Variants in BCAS3 observed in about 807,000 individuals in gnomAD.
The protein encoded by BCAS3 is BCAS4/BCAS3 fusion.
In BCAS3, 53 loss-of-function variants were observed where a neutral mutation model predicts 116.1. The ratio of observed to expected loss-of-function variants is 0.46; its 90% confidence interval spans 0.37 to 0.57. The LOEUF (loss-of-function observed/expected upper bound fraction) is 0.57, where lower values mean the gene tolerates loss of function less well. Ranked by LOEUF, BCAS3 falls within the 20% of genes least tolerant of loss-of-function variation. The probability of loss-of-function intolerance (pLI) is 0.00; values close to 1 mark genes in which losing one functional copy is unlikely to be tolerated. For synonymous variants in BCAS3, 391 were observed against 408.2 expected (o/e 0.96, Z 0.51); for missense variants, 917 against 1,165.4 (o/e 0.79, Z 3.10).
chr17:61,115,332 A>G (rs1298704381), intron 22 of BCAS3, among the ~76,000 whole-genome samples: 1 of 152,214 alleles, frequency 6.6e-6, no homozygotes, highest in African/African-American at 2.4e-5. Context: ...AATTTTTGCA[A>G]CCTACTCATC....
intron 15 of BCAS3, among the ~76,000 whole-genome samples, chr17:60,996,655 A>G (rs901550996): frequency 1.3e-5 from 2 of 152,298 alleles, no homozygotes; most frequent in African/African-American, 4.8e-5. Context: ...AGTGGAAAGC[A>G]GTCATTTATG....
intron 22 of BCAS3, among the ~76,000 whole-genome samples, chr17:61,212,336 G>A (rs2081509577): frequency 6.6e-6 from 1 of 152,076 alleles, no homozygotes; most frequent in Admixed American, 6.6e-5. Context: ...CTCCTGGGCT[G>A]AAGTGATCCT....
intron 19 of BCAS3, among the ~76,000 whole-genome samples, chr17:61,049,314 A>C (rs907482514): frequency 3.9e-5 from 6 of 151,950 alleles, no homozygotes; most frequent in African/African-American, 1.4e-4. Context: ...TAATAATAAT[A>C]AAATCAATAA....
chr17:60,923,210 CAAT>C (rs1313801978), intron 12 of BCAS3, among the ~76,000 whole-genome samples: 1 of 152,118 alleles, frequency 6.6e-6, no homozygotes, highest in Non-Finnish European at 1.5e-5. Flanking sequence ...CTAGCTAGAT[CAAT>C]AAGGCATAAA....
At chr17:60,826,669 A>G (rs767387686) in intron 7 of BCAS3, among the ~76,000 whole-genome samples, 1 of 152,210 alleles carries the variant, frequency 6.6e-6, no homozygotes. Flanking sequence ...CATATATTTC[A>G]TGTAGCAATG....
intron 4 of BCAS3, among the ~76,000 whole-genome samples, chr17:60,706,560 C>G (rs2037163500): frequency 6.6e-6 from 1 of 152,076 alleles, no homozygotes; most frequent in African/African-American, 2.4e-5. Flanking sequence ...GTGGCTCATG[C>G]CTTTATTCCC....
At chr17:61,054,600 A>G (rs1210761553) in intron 19 of BCAS3, among the ~76,000 whole-genome samples, 1 of 152,188 alleles carries the variant, frequency 6.6e-6, no homozygotes, top group East Asian at 1.9e-4. Context: ...TCCTGGGCTC[A>G]AGGCCAGGGT....
rs1298662570 is a variant in BCAS3 at position 61,279,556 on chromosome 17, T to G, written c.2426-88771T>G. Among the ~76,000 whole-genome samples the G allele has an allele frequency of 1.3e-5, 2 of 152,158 alleles. No individual in the cohort carries two copies. The highest frequency in any genetic ancestry group is 1.5e-5 in the Non-Finnish European group (1 of 68,036). On this transcript the variant is annotated intron_variant, in intron 22 of 23. Transcript: ENST00000407086. This position sits in a 1 kb window ranked among gnomAD's most constrained non-coding sequence, Gnocchi z 4.4. Reference sequence around the variant, plus strand: ...CCTTGGGGCCTCAGCAGAGGATATTTTTAGAACAGCTGTGGGTCTAATTTT... The same window carrying G: ...CCTTGGGGCCTCAGCAGAGGATATTGTTAGAACAGCTGTGGGTCTAATTTT...
Position 61,228,080 on chromosome 17 carries a change from C to A in BCAS3, c.2426-140247C>A, listed in dbSNP as rs1010496580. Among the ~76,000 whole-genome samples, 4 of 152,196 alleles carry A rather than the reference C, an allele frequency of 2.6e-5. No homozygotes were observed. Among genetic ancestry groups the A allele is most frequent in the Admixed American group, 2.6e-4 (4 of 15,276 alleles). On this transcript the variant is annotated intron_variant, in intron 22 of 23. Transcript: ENST00000407086. The surrounding 1 kb of genome is among the most constrained non-coding windows in gnomAD (Gnocchi z 5.0). ...GCCCCTTCCTTTACACACATTCCTG[C>A]ATACTCCTGCTTCACCCTCAAGGCC...
rs997855798 is a variant in BCAS3, at chr17:61,235,610, A to G, written c.2426-132717A>G. Among the ~76,000 whole-genome samples, 6 of 151,636 alleles carry G rather than the reference A, an allele frequency of 4.0e-5. No individual in the cohort carries two copies. The highest frequency in any genetic ancestry group is 2.0e-4 in the Admixed American group (3 of 15,192). ...TGAGCTGGAGACCCCCGTTAGTGCT[A>G]CCTCTTTCTAAACAGCGCCAGCCAT... On this transcript the variant is annotated intron_variant, in intron 22 of 23. Coordinates refer to ENST00000407086, the MANE Select transcript of BCAS3 (RefSeq NM_017679.5). This position sits in a 1 kb window ranked among gnomAD's most constrained non-coding sequence, Gnocchi z 5.0.
At chr17:60,997,772 T>G (rs931191804) in intron 15 of BCAS3, among the ~76,000 whole-genome samples, 79 of 152,350 alleles carry the variant, frequency 5.2e-4, no homozygotes, top group African/African-American at 1.8e-3. Flanking sequence ...CTAAAAATAG[T>G]GTTGAATTTC....
intron 5 of BCAS3, chr17:60,727,168 G>C: frequency 1.3e-6 from 1 of 759,562 alleles, no homozygotes; most frequent in Non-Finnish European, 2.1e-6. Context: ...CCAAAGTTTA[G>C]AACTGGATCT....
chr17:60,948,149 G>A (rs946299937), intron 14 of BCAS3, among the ~76,000 whole-genome samples: 2 of 151,676 alleles, frequency 1.3e-5, no homozygotes, highest in African/African-American at 4.8e-5. Flanking sequence ...CTGTTGCCCA[G>A]GCTAGAGTGC....
At chr17:60,725,437 G>A (rs1046512051) in intron 5 of BCAS3, among the ~76,000 whole-genome samples, 2 of 152,062 alleles carry the variant, frequency 1.3e-5, no homozygotes, top group Non-Finnish European at 2.9e-5. Flanking sequence ...ACACTGAAAT[G>A]TTCGGGTCTA....
At chr17:60,807,043 G>T (rs2048344740) in intron 6 of BCAS3, among the ~76,000 whole-genome samples, 1 of 151,992 alleles carries the variant, frequency 6.6e-6, no homozygotes. Flanking sequence ...GACATTTGCT[G>T]TAGATCTTTT....
intron 22 of BCAS3, among the ~76,000 whole-genome samples, chr17:61,284,291 T>C (rs923237069): frequency 6.6e-6 from 1 of 152,148 alleles, no homozygotes; most frequent in Non-Finnish European, 1.5e-5. Flanking sequence ...GTTTGTTCTT[T>C]CACTCTTCAC....
chr17:60,844,951 T>TG (rs1228961555), intron 7 of BCAS3, among the ~76,000 whole-genome samples: 1 of 152,036 alleles, frequency 6.6e-6, no homozygotes, highest in African/African-American at 2.4e-5. Context: ...CCAACAAGGC[T>TG]GGGCACGGTG....
At chr17:60,806,096 C>T (rs923741852) in intron 6 of BCAS3, among the ~76,000 whole-genome samples, 2 of 151,560 alleles carry the variant, frequency 1.3e-5, no homozygotes, top group Non-Finnish European at 2.9e-5. Flanking sequence ...AGGCTGGTCT[C>T]GCATCCTGAC....
At chr17:60,974,572 G>T (rs953597744) in intron 14 of BCAS3, among the ~76,000 whole-genome samples, 6 of 152,094 alleles carry the variant, frequency 3.9e-5, no homozygotes, top group African/African-American at 1.2e-4. Context: ...ACTACAGTAC[G>T]TTTTAAAGAA....
Sources: gnomAD v4.1 joint callset for allele counts (sites outside exome capture counted in the v4.1 genomes callset) on GRCh38, gnomAD v4.1.1 for gene constraint, Gnocchi (gnomAD v3.1) non-coding constraint, MANE v1.5 for transcripts, NCBI Gene and HGNC (gene_info 2026-07-23, HGNC 2026-07-21) for gene names.